WNK3: variants seen among roughly 807,000 people sequenced by gnomAD.
WNK3 encodes the protein serine/threonine-protein kinase WNK3.
A neutral mutation model predicts 116.7 loss-of-function variants in WNK3; 18 were observed. The ratio of observed to expected loss-of-function variants is 0.15; its 90% CI spans 0.11 to 0.23. WNK3 has a LOEUF of 0.23. WNK3 is among the 10% of genes least tolerant of loss of function. WNK3 has a pLI of 1.00. For synonymous variants in WNK3, 404 were observed against 469.4 expected (o/e 0.86, Z 1.80); for missense variants, 993 against 1,323.8 (o/e 0.75, Z 3.88).
At chrX:54,218,053 A>G in intron 22 of WNK3, among the ~76,000 whole-genome samples, 1 of 111,996 alleles carries the variant, frequency 8.9e-6, no homozygotes, top group South Asian at 3.8e-4. Context: ...TAGTAGACAA[A>G]GCTTTTATAT....
chrX:54,326,093 A>ATT (rs781887611), intron 2 of WNK3, among the ~76,000 whole-genome samples: 2 of 100,733 alleles, frequency 2.0e-5, no homozygotes, highest in African/African-American at 3.6e-5. Context: ...TGTTTGTTTG[A>ATT]TTTTTTTTTT....
At chrX:54,320,430 G>A (rs992567416) in intron 2 of WNK3, among the ~76,000 whole-genome samples, 2 of 112,441 alleles carry the variant, frequency 1.8e-5, no homozygotes, top group African/African-American at 6.4e-5. Context: ...TGATATAAAA[G>A]CTATATTATA....
intron 10 of WNK3, among the ~76,000 whole-genome samples, chrX:54,267,207 A>G (rs1557157950): frequency 9.0e-6 from 1 of 111,360 alleles, no homozygotes; most frequent in Non-Finnish European, 1.9e-5. Context: ...TGTATACACC[A>G]TAGGAAACTA....
At chrX:54,336,356 C>A (rs1226176138) in intron 1 of WNK3, among the ~76,000 whole-genome samples, 2 of 106,939 alleles carry the variant, frequency 1.9e-5, no homozygotes, top group African/African-American at 6.8e-5. Flanking sequence ...CCAAAAAAAC[C>A]CACAAGGTTG....
At chrX:54,250,160 T>C in intron 15 of WNK3, 29 bp from the exon 16 acceptor site, 8 of 1,142,708 alleles carry the variant, frequency 7.0e-6, no homozygotes, top group South Asian at 2.1e-5. Flanking sequence ...AAAAATAATA[T>C]GCTAAGCTAT....
At chrX:54,349,918 C>T (rs1288481536) in intron 1 of WNK3, among the ~76,000 whole-genome samples, 1 of 111,087 alleles carries the variant, frequency 9.0e-6, no homozygotes, top group African/African-American at 3.3e-5. Context: ...GACAAATGAA[C>T]TAATGAAATA....
intron 17 of WNK3, among the ~76,000 whole-genome samples, chrX:54,248,109 G>A (rs1271593205): frequency 9.1e-6 from 1 of 109,309 alleles, no homozygotes; most frequent in Non-Finnish European, 1.9e-5. Flanking sequence ...GTGGTGGCAC[G>A]TGCCTGTAAT....
At chrX:54,205,097 C>T (rs1478203874) in intron 22 of WNK3, among the ~76,000 whole-genome samples, 2 of 110,874 alleles carry the variant, frequency 1.8e-5, no homozygotes, top group Non-Finnish European at 3.8e-5. Flanking sequence ...TGCCTGTAAT[C>T]CCAGCTACTC....
At chrX:54,346,279 CA>C (rs150788845) in intron 1 of WNK3, among the ~76,000 whole-genome samples, 5 of 30,339 alleles carry the variant, frequency 1.6e-4, no homozygotes, top group East Asian at 2.3e-3. Flanking sequence ...GCTGATCAGC[CA>C]AAAAAAAAAA....
chrX:54,257,968 T>C (rs1033848106), intron 11 of WNK3, among the ~76,000 whole-genome samples: 2 of 109,261 alleles, frequency 1.8e-5, no homozygotes, highest in African/African-American at 6.6e-5. Context: ...AAGTCAGTTA[T>C]TGAAATCATC....
chrX:54,330,709 C>T (rs2069158993), intron 2 of WNK3, among the ~76,000 whole-genome samples: 1 of 112,285 alleles, frequency 8.9e-6, no homozygotes. Context: ...CCGTGGGAGG[C>T]CAAGGCAGGC....
intron 1 of WNK3, among the ~76,000 whole-genome samples, chrX:54,335,345 T>C (rs1285832982): frequency 8.9e-6 from 1 of 112,268 alleles, no homozygotes; most frequent in African/African-American, 3.2e-5. Flanking sequence ...AAGGAATATA[T>C]ACAAGCTTAC....
intron 2 of WNK3, among the ~76,000 whole-genome samples, chrX:54,328,774 T>C (rs887220228): frequency 2.7e-5 from 3 of 112,041 alleles, no homozygotes; most frequent in African/African-American, 9.7e-5. Context: ...GAAATCTGGC[T>C]ATGTATCCAA....
At chrX:54,319,616 T>C (rs782065601) in intron 2 of WNK3, among the ~76,000 whole-genome samples, 1 of 112,447 alleles carries the variant, frequency 8.9e-6, no homozygotes, top group East Asian at 2.8e-4. Flanking sequence ...TTACAACTGT[T>C]TTCCCAGATA....
At chrX:54,255,582 C>T (rs932149964) in intron 12 of WNK3, among the ~76,000 whole-genome samples, 158 bp downstream of exon 12, 5 of 111,805 alleles carry the variant, frequency 4.5e-5, no homozygotes, top group African/African-American at 1.6e-4. Flanking sequence ...AGTTTAACAA[C>T]GAACACATAA....
chrX:54,303,800 A>AT (rs1212000465), intron 5 of WNK3, among the ~76,000 whole-genome samples: 5 of 111,719 alleles, frequency 4.5e-5, no homozygotes, highest in Admixed American at 3.8e-4. Context: ...TTGACCTGTT[A>AT]TTCTACCTAT....
intron 17 of WNK3, among the ~76,000 whole-genome samples, chrX:54,243,833 T>G (rs1036904604): frequency 8.9e-6 from 1 of 111,966 alleles, no homozygotes; most frequent in Non-Finnish European, 1.9e-5. Context: ...TATATGAATG[T>G]TCGTAGCAGC....
At chrX:54,251,196 A>T (rs1490737568) in intron 15 of WNK3, among the ~76,000 whole-genome samples, 1 of 111,625 alleles carries the variant, frequency 9.0e-6, no homozygotes, top group African/African-American at 3.3e-5. Context: ...TCAAAAATAA[A>T]TCAATCAGAT....
At chrX:54,249,204 C>T (rs1557153441) in exon 17 of WNK3, 2 of 1,210,174 alleles carry the variant, frequency 1.7e-6, no homozygotes. Flanking sequence ...CCATAGCTGG[C>T]TGCTGTACTG....
Sources: allele counts gnomAD v4.1 joint callset (sites outside exome capture counted in the v4.1 genomes callset), GRCh38; gene constraint gnomAD v4.1.1; transcripts MANE v1.5; gene names NCBI Gene and HGNC (gene_info 2026-07-23, HGNC 2026-07-21).